OSBPL2: variants seen among roughly 807,000 people sequenced by gnomAD.
OSBPL2 encodes oxysterol-binding protein-related protein 2.
In OSBPL2, 18 loss-of-function variants were observed where a neutral mutation model predicts 58.4. That is an observed-to-expected ratio of 0.31 (90% CI 0.21 to 0.46). The LOEUF is 0.46. OSBPL2 is among the 20% of genes least tolerant of loss of function. The pLI, the probability that OSBPL2 is intolerant of heterozygous loss-of-function variation, is 1.00. For synonymous variants in OSBPL2, 221 were observed against 234.1 expected (o/e 0.94, Z 0.51); for missense variants, 461 against 616.5 (o/e 0.75, Z 2.67).
intron 1 of OSBPL2, chr20:62,255,062 T>C (rs1027137968): frequency 6.6e-6 from 1 of 151,948 alleles, no homozygotes; most frequent in Non-Finnish European, 1.5e-5. Flanking sequence ...GAACACCTCA[T>C]TGAAGCTCAC....
intron 7 of OSBPL2, among the ~76,000 whole-genome samples, chr20:62,280,849 A>G (rs1982733640): frequency 6.6e-6 from 1 of 152,238 alleles, no homozygotes; most frequent in African/African-American, 2.4e-5. Context: ...TTAAGTAGAA[A>G]GCTTTGTAGA....
At chr20:62,251,228 T>C (rs1759051936) in intron 1 of OSBPL2, among the ~76,000 whole-genome samples, 1 of 151,444 alleles carries the variant, frequency 6.6e-6, no homozygotes, top group Admixed American at 6.6e-5. Context: ...GCTAATTTTT[T>C]GTTTTTTAGT....
At chr20:62,241,127 T>C (rs1196956277) in intron 1 of OSBPL2, among the ~76,000 whole-genome samples, 1 of 152,178 alleles carries the variant, frequency 6.6e-6, no homozygotes, top group Admixed American at 6.5e-5. Flanking sequence ...TTCATCCCAG[T>C]GTCTCTCCTC....
chr20:62,257,288 G>C (rs965749361), intron 2 of OSBPL2, among the ~76,000 whole-genome samples: 1 of 152,200 alleles, frequency 6.6e-6, no homozygotes, highest in African/African-American at 2.4e-5. Flanking sequence ...TGCTGGAGCG[G>C]GCTGATTGTC....
chr20:62,248,762 C>G (rs1980326486), intron 1 of OSBPL2, among the ~76,000 whole-genome samples: 2 of 152,196 alleles, frequency 1.3e-5, no homozygotes, highest in African/African-American at 4.8e-5. Flanking sequence ...GCAATCATAG[C>G]TCACTGCAGC....
chr20:62,281,696 C>G (rs878894853), intron 8 of OSBPL2, 94 bp from the exon 9 acceptor site: 2 of 885,138 alleles, frequency 2.3e-6, no homozygotes, highest in Admixed American at 1.8e-5. Flanking sequence ...CCCGCCTGCC[C>G]CAGGGGCCTC....
intron 11 of OSBPL2, among the ~76,000 whole-genome samples, chr20:62,287,801 G>C (rs548597902): frequency 9.2e-5 from 14 of 152,276 alleles, no homozygotes; most frequent in African/African-American, 3.1e-4. Context: ...GGAAAATTGC[G>C]TATGTTTTTT....
chr20:62,279,536 G>A, intron 7 of OSBPL2, 197 bp downstream of exon 7: 1 of 593,154 alleles, frequency 1.7e-6, no homozygotes, highest in Admixed American at 3.1e-5. Context: ...CCTCACGTCT[G>A]CAGTTGGAAT....
intron 1 of OSBPL2, 66 bp downstream of exon 1, chr20:62,238,663 C>CG (rs1217523747): frequency 4.1e-5 from 3 of 73,398 alleles, no homozygotes; most frequent in African/African-American, 5.6e-5. Flanking sequence ...GCCTGGGCCG[C>CG]GGGCTGGGGC....
intron 12 of OSBPL2, 31 bp from the exon 13 acceptor site, chr20:62,291,668 CTCTG>C (rs760714933): frequency 9.4e-6 from 15 of 1,592,924 alleles, no homozygotes; most frequent in East Asian, 6.7e-5. Context: ...GTTCTAAGGT[CTCTG>C]TCTGACCTAA....
At chr20:62,293,159 G>A (rs760739225) in intron 13 of OSBPL2, among the ~76,000 whole-genome samples, 7 of 149,948 alleles carry the variant, frequency 4.7e-5, no homozygotes, top group Non-Finnish European at 1.0e-4. Context: ...CACCGCGCCC[G>A]GCCTGTTCAT....
chr20:62,283,748 C>T (rs911295660), intron 9 of OSBPL2, among the ~76,000 whole-genome samples: 4 of 152,064 alleles, frequency 2.6e-5, no homozygotes, highest in Admixed American at 6.6e-5. Flanking sequence ...CATCCCTTCC[C>T]GTCTCCTGCA....
chr20:62,275,510 T>C (rs1982331572), intron 6 of OSBPL2, among the ~76,000 whole-genome samples: 1 of 151,896 alleles, frequency 6.6e-6, no homozygotes, highest in Admixed American at 6.6e-5. Context: ...CTCCTGGATA[T>C]GATCACAGCT....
intron 13 of OSBPL2, among the ~76,000 whole-genome samples, chr20:62,292,789 A>G (rs1229113170): frequency 5.9e-5 from 9 of 152,068 alleles, no homozygotes; most frequent in Non-Finnish European, 1.5e-5. Flanking sequence ...TGGGCTTCCA[A>G]TTTAATTTGA....
chr20:62,257,787 T>C (rs1341125450), intron 2 of OSBPL2, among the ~76,000 whole-genome samples: 1 of 151,508 alleles, frequency 6.6e-6, no homozygotes, highest in African/African-American at 2.4e-5. Context: ...TGATCTCAGC[T>C]CACTGCAACC....
chr20:62,290,640 T>C (rs565421024), intron 12 of OSBPL2, among the ~76,000 whole-genome samples: 4 of 151,296 alleles, frequency 2.6e-5, no homozygotes, highest in Non-Finnish European at 4.4e-5. Context: ...CAGGACGGTC[T>C]CGATCTCCTG....
At chr20:62,254,377 G>A (rs980734452) in intron 1 of OSBPL2, among the ~76,000 whole-genome samples, 2 of 152,268 alleles carry the variant, frequency 1.3e-5, no homozygotes, top group Admixed American at 6.5e-5. Flanking sequence ...GAAGGGGGAA[G>A]CACATCGCTG....
At chr20:62,262,491 C>T (rs1981384662) in intron 3 of OSBPL2, among the ~76,000 whole-genome samples, 4 of 152,228 alleles carry the variant, frequency 2.6e-5, no homozygotes, top group Non-Finnish European at 5.9e-5. Flanking sequence ...GTAGCACCTC[C>T]GAATCACAAA....
chr20:62,239,885 C>T (rs1333434761), intron 1 of OSBPL2, among the ~76,000 whole-genome samples: 1 of 152,218 alleles, frequency 6.6e-6, no homozygotes, highest in Non-Finnish European at 1.5e-5. Context: ...TGGAGTCTCG[C>T]TTTGTTGCCC....
Sources: allele counts gnomAD v4.1 joint callset (sites outside exome capture counted in the v4.1 genomes callset), GRCh38; gene constraint gnomAD v4.1.1; transcripts MANE v1.5; gene names NCBI Gene and HGNC (gene_info 2026-07-23, HGNC 2026-07-21).